Variants in TUBA1B observed in about 807,000 individuals in gnomAD.
The protein encoded by TUBA1B is tubulin alpha 1b.
TUBA1B carries 1 observed loss-of-function variant against 34.4 expected under a neutral mutation model. The observed-to-expected ratio is 0.03, with a 90% CI of 0.01 to 0.14. The LOEUF is 0.14. Among genes scored for constraint, TUBA1B ranks in the 10% least tolerant of loss-of-function variants. The pLI is 1.00. For synonymous variants in TUBA1B, 197 were observed against 212.5 expected (o/e 0.93, Z 0.64); for missense variants, 54 against 583.6 (o/e 0.09, Z 9.35).
intron 1 of TUBA1B, chr12:49,130,346 T>C (rs1351351858): frequency 7.8e-7 from 1 of 1,289,092 alleles, no homozygotes; most frequent in Non-Finnish European, 1.0e-6. Flanking sequence ...GGCGGGGCTC[T>C]GCGGCACAGG....
chr12:49,129,183 C>T, intron 3 of TUBA1B, 59 bp downstream of exon 3: 1 of 1,611,950 alleles, frequency 6.2e-7, no homozygotes, highest in Non-Finnish European at 8.5e-7. Context: ...AGTCACTCCA[C>T]CCAACTTGCA....
At chr12:49,130,647 T>C in intron 1 of TUBA1B, 1 of 334,294 alleles carries the variant, frequency 3.0e-6, no homozygotes. Context: ...CAGACTGTTG[T>C]GTACGAACTG....
intron 1 of TUBA1B, chr12:49,131,019 C>A: frequency 2.3e-6 from 1 of 426,726 alleles, no homozygotes; most frequent in Non-Finnish European, 4.4e-6. Context: ...AGTTACGCGA[C>A]AAAAGAGAGC....
intron 1 of TUBA1B, 141 bp downstream of exon 1, chr12:49,131,156 TG>T: frequency 9.3e-7 from 1 of 1,071,704 alleles, no homozygotes; most frequent in Non-Finnish European, 1.4e-6. Context: ...ACTCCCGCCC[TG>T]GCCTCTCGCC....
At chr12:49,129,042 C>T in intron 3 of TUBA1B, 104 bp from the exon 4 acceptor site, 1 of 1,520,186 alleles carries the variant, frequency 6.6e-7, no homozygotes. Context: ...CTGATGTAAG[C>T]ACAAGGAATT....
At chr12:49,129,877 C>A (rs1055253191) in intron 1 of TUBA1B, 155 bp from the exon 2 acceptor site, 1 of 1,298,348 alleles carries the variant, frequency 7.7e-7, no homozygotes, top group Admixed American at 2.2e-5. Context: ...GCAGCCTAGG[C>A]TCCAGTCATC....
At chr12:49,130,610 G>A in intron 1 of TUBA1B, 1 of 346,032 alleles carries the variant, frequency 2.9e-6, no homozygotes, top group Non-Finnish European at 5.8e-6. Flanking sequence ...AATTCCTAAC[G>A]CAGCAGGGAG....
rs374738475 is a variant in TUBA1B, at chr12:49,129,465, C to T, written c.226+35G>A. 5.0e-6 allele frequency: 8 copies of T among 1,613,616 alleles called. No homozygotes were observed. The African/African-American group carries it at 8.0e-5, about 16-fold the overall frequency. ...CCCCTGGACAGACCTCCTGTCCCAG[C>T]ATCCTGGGATCTCAGGTTACTGAGG... On this transcript the variant is annotated intron_variant, in intron 2 of 3. Coordinates refer to ENST00000336023, the MANE Select transcript of TUBA1B (RefSeq NM_006082.3).
chr12:49,130,304 CGCAGAAGAAATGTCTG>C, intron 1 of TUBA1B: 1 of 1,289,218 alleles, frequency 7.8e-7, no homozygotes, highest in Non-Finnish European at 1.0e-6. Context: ...GCCAGACCAG[CGCAGAAGAAATGTCTG>C]TCCGCAGGGA....
Position 49,128,950 on chromosome 12 carries a change from T to A in TUBA1B, c.376-12A>T. 1 of 1,575,514 alleles carries A rather than the reference T, an allele frequency of 6.3e-7. No individual in the cohort carries two copies. Among genetic ancestry groups the A allele is most frequent in the Non-Finnish European group, 8.6e-7 (1 of 1,165,398 alleles). On this transcript the variant is annotated splice_polypyrimidine_tract_variant and intron_variant, in intron 3 of 3. Transcript: ENST00000336023. This position sits in a 1 kb window ranked among gnomAD's most constrained non-coding sequence, Gnocchi z 8.1. ...GTGCACTGGTCAGCCTGTAGGGGAA[T>A]AAAAAAATGTAATATTTTAATGCCA...
At position 49,128,444 on chromosome 12, in the gene TUBA1B, C is replaced by T; in HGVS notation, c.870G>A (p.Glu290=). Residue 290 remains glutamate (E), a synonymous_variant, in exon 4 of 4, where the codon GAG becomes GAA. Transcript: ENST00000336023. This position sits in a 1 kb window ranked among gnomAD's most constrained non-coding sequence, Gnocchi z 8.1. Reference sequence around the variant, plus strand: ...CTGGCTCAAAGCAAGCATTGGTGATCTCTGCTACAGAAAGCTGTTCATGGT... The same window carrying T: ...CTGGCTCAAAGCAAGCATTGGTGATTTCTGCTACAGAAAGCTGTTCATGGT... ...KAYHEQLSVA[E]ITNACFEPAN... 1 of 1,613,828 alleles carries T rather than the reference C, an allele frequency of 6.2e-7. No homozygotes were observed. The highest frequency in any genetic ancestry group is 8.5e-7 in the Non-Finnish European group (1 of 1,179,946).
chr12:49,131,375 A>G lies in TUBA1B; in HGVS notation c.-75T>C, dbSNP rs1017173415. On this transcript the variant is annotated 5_prime_UTR_variant, in exon 1 of 4. Coordinates refer to ENST00000336023, the MANE Select transcript of TUBA1B (RefSeq NM_006082.3). ...CGGTTACCGTCCCCGACAAGCTAAG[A>G]GTCGAGGTAAGTAACGCACTAGGGC... The G allele has an allele frequency of 2.1e-5, 33 of 1,563,628 alleles. No homozygotes were observed. The highest frequency in any genetic ancestry group is 2.8e-5 in the Non-Finnish European group (32 of 1,143,928).
chr12:49,128,423 C>T lies in TUBA1B; in HGVS notation c.891G>A (p.Glu297=). Residue 297 remains glutamate (E), a synonymous_variant, in exon 4 of 4, where the codon GAG becomes GAA. Coordinates refer to ENST00000336023, the MANE Select transcript of TUBA1B (RefSeq NM_006082.3). This position sits in a 1 kb window ranked among gnomAD's most constrained non-coding sequence, Gnocchi z 8.1. ...CACATTTCACCATCTGGTTGGCTGG[C>T]TCAAAGCAAGCATTGGTGATCTCTG... ...SVAEITNACF[E]PANQMVKCDP... is the part of the protein sequence containing the mutation. The T allele has an allele frequency of 1.9e-6, 3 of 1,613,624 alleles. No individual in the cohort carries two copies. Among genetic ancestry groups the T allele is most frequent in the Non-Finnish European group, 2.5e-6 (3 of 1,179,914 alleles).
At chr12:49,131,114 C>T (rs999784996) in intron 1 of TUBA1B, 184 bp downstream of exon 1, 7 of 627,604 alleles carry the variant, frequency 1.1e-5, no homozygotes, top group African/African-American at 1.9e-5. Flanking sequence ...CCTTTCCGGG[C>T]CCCCGCTATT....
rs1169347504 is a variant in TUBA1B at position 49,128,983 on chromosome 12, T to C, written c.376-45A>G. The C allele has an allele frequency of 7.7e-6, 12 of 1,554,644 alleles. No homozygotes were observed. The highest frequency in any genetic ancestry group is 8.7e-6 in the Non-Finnish European group (10 of 1,155,286). On this transcript the variant is annotated intron_variant, in intron 3 of 3. Transcript: ENST00000336023. The surrounding 1 kb of genome is among the most constrained non-coding windows in gnomAD (Gnocchi z 8.1). Reference sequence around the variant, plus strand: ...TGTAATATTTTAATGCCAGGACACATTATCTTAGAATTTCTATTTCAACTT... The same window carrying C: ...TGTAATATTTTAATGCCAGGACACACTATCTTAGAATTTCTATTTCAACTT...
intron 1 of TUBA1B, chr12:49,130,152 G>C: frequency 8.2e-7 from 1 of 1,220,110 alleles, no homozygotes; most frequent in South Asian, 1.4e-5. Context: ...CCTCCTTCCA[G>C]ACCAAGACAG....
chr12:49,131,232 A>G, intron 1 of TUBA1B, 66 bp downstream of exon 1: 1 of 1,565,104 alleles, frequency 6.4e-7, no homozygotes, highest in Non-Finnish European at 8.7e-7. Flanking sequence ...ACAGGGCCCC[A>G]GCGCCCCGCC....
In TUBA1B at chr12:49,129,554, C is replaced by T. The variant is rs1379047161; in HGVS notation, c.172G>A (p.Ala58Thr). The change falls in exon 2 of 4, where the codon GCT becomes ACT. Residue 58 changes from alanine (A) to threonine (T), a missense_variant. Physicochemically the swap from Ala to Thr is moderately conservative, Grantham distance 58. This residue lies in a region of TUBA1B where 28 missense variants were observed against 203.8 expected (regional missense o/e 0.14). Transcript: ENST00000336023. ...ACAGCCCGGGGCACGTGCTTGCCAGCGCCCGTCTCACTGAAGAAGGTGTTG... is the reference window on the plus strand; with the variant it reads ...ACAGCCCGGGGCACGTGCTTGCCAGTGCCCGTCTCACTGAAGAAGGTGTTG... ...SFNTFFSETG[A>T]GKHVPRAVFV... is the part of the protein sequence containing the mutation. The T allele has an allele frequency of 6.2e-7, 1 of 1,614,174 alleles. No individual in the cohort carries two copies. Among genetic ancestry groups the T allele is most frequent in the Non-Finnish European group, 8.5e-7 (1 of 1,180,030 alleles).
chr12:49,128,105 G>A lies in TUBA1B; in HGVS notation c.1209C>T (p.Ala403=). Residue 403 remains alanine, a synonymous_variant, in exon 4 of 4, where the codon GCC becomes GCT. Transcript: ENST00000336023. The surrounding 1 kb of genome is among the most constrained non-coding windows in gnomAD (Gnocchi z 8.1). The stretch of plus-strand genomic sequence containing the variant: ...CCTCACCCACGTACCAGTGAACAAA[G>A]GCACGCTTGGCATACATCAGGTCAA... ...HKFDLMYAKR[A]FVHWYVGEGM... is the part of the protein sequence containing the mutation. 6.2e-7 allele frequency: 1 copy of A among 1,614,192 alleles called. No individual in the cohort carries two copies. The highest frequency in any genetic ancestry group is 8.5e-7 in the Non-Finnish European group (1 of 1,180,044).
Sources: gnomAD v4.1 joint callset for allele counts on GRCh38, gnomAD v4.1.1 for gene constraint, gnomAD v4.1.1 regional missense constraint, Gnocchi (gnomAD v3.1) non-coding constraint, MANE v1.5 for transcripts, NCBI Gene and HGNC (gene_info 2026-07-23, HGNC 2026-07-21) for gene names.